The following TRIM37 variants were observed in gnomAD, a reference collection of about 807,000 sequenced individuals.
The protein encoded by TRIM37 is E3 ubiquitin-protein ligase TRIM37.
TRIM37 carries 80 observed loss-of-function variants against 129.8 expected under a neutral mutation model. The ratio of observed to expected loss-of-function variants is 0.62; its 90% CI spans 0.51 to 0.74. The LOEUF (loss-of-function observed/expected upper bound fraction) is 0.74. TRIM37 is among the 30% of genes least tolerant of loss of function. The pLI is 0.00. For missense variants in TRIM37, 1,054 were observed against 1,176.5 expected, an observed-to-expected ratio of 0.90 and a Z score of 1.52; for synonymous variants, 389 against 387.1, an observed-to-expected ratio of 1.00 and a Z score of -0.06.
chr17:59,039,246 C>CAACT (rs1488197339), intron 17 of TRIM37, among the ~76,000 whole-genome samples: 1 of 152,086 alleles, frequency 6.6e-6, no homozygotes, highest in Non-Finnish European at 1.5e-5. Context: ...TGTACTTGGC[C>CAACT]AACTTATTCA....
chr17:58,970,962 ATG>A, the TRIM37 span, among the ~76,000 whole-genome samples: 68 of 151,670 alleles, frequency 4.5e-4, no homozygotes, highest in Admixed American at 1.6e-3. Flanking sequence ...TCTCAAAATT[ATG>A]TGTTGTTGTT....
intron 4 of TRIM37, among the ~76,000 whole-genome samples, chr17:59,085,605 G>C (rs576713259): frequency 3.9e-5 from 6 of 152,232 alleles, no homozygotes; most frequent in African/African-American, 1.4e-4. Flanking sequence ...CTGTAAAATG[G>C]TACAGTCACT....
intron 19 of TRIM37, 32 bp from the exon 20 acceptor site, chr17:59,017,456 GGCTACTACA>G (rs1792375703): frequency 1.2e-6 from 2 of 1,613,216 alleles, no homozygotes; most frequent in African/African-American, 1.3e-5. Context: ...CCTCTGAATA[GGCTACTACA>G]GCACAAAACT....
Position 59,103,729 on chromosome 17 carries a change from C to T in TRIM37, c.123+564G>A, listed in dbSNP as rs148648311. 9.9e-3 allele frequency among the ~76,000 whole-genome samples: 1,493 copies of T among 150,846 alleles called. 25 individuals carry two copies. Among genetic ancestry groups the T allele is most frequent in the African/African-American group, 0.035 (1,419 of 40,968 alleles). On this transcript the variant is annotated intron_variant, in intron 2 of 23. Transcript: ENST00000262294. ...GTGGCGCTCTCTCGGCTCACTGCAA[C>T]CTCTGCCCTCCCGGGTTCAAACAAT...
intron 21 of TRIM37, among the ~76,000 whole-genome samples, chr17:59,014,371 T>A (rs567764622): frequency 1.3e-5 from 2 of 152,304 alleles, no homozygotes; most frequent in African/African-American, 4.8e-5. Context: ...ATAAAATAGA[T>A]AAGCAGATGG....
intron 18 of TRIM37, among the ~76,000 whole-genome samples, chr17:59,031,041 T>C (rs2145590015): frequency 1.3e-5 from 2 of 152,298 alleles, no homozygotes; most frequent in East Asian, 3.9e-4. Context: ...AGGAAGTATA[T>C]CTGGCTCTTA....
intron 2 of TRIM37, among the ~76,000 whole-genome samples, chr17:59,092,749 G>A (rs1289267912): frequency 6.6e-6 from 1 of 152,106 alleles, no homozygotes; most frequent in African/African-American, 2.4e-5. Flanking sequence ...ATGAACATGA[G>A]CTTTAACTTG....
chr17:58,989,614 G>A (rs2144063718), intron 24 of TRIM37, among the ~76,000 whole-genome samples: 1 of 152,030 alleles, frequency 6.6e-6, no homozygotes, highest in South Asian at 2.1e-4. Flanking sequence ...TAATCAGTAG[G>A]CTCTAAACTG....
rs1189324636 is a variant in TRIM37 at position 59,075,554 on chromosome 17, A to T, written c.684+93T>A. 1.7e-5 allele frequency: 14 copies of T among 803,742 alleles called. 1 individual carries two copies. The highest frequency in any genetic ancestry group is 2.7e-5 in the Non-Finnish European group (14 of 526,164). 49.8% of individuals were successfully genotyped at this position (803,742 alleles called of 1,614,324 possible). A position where few individuals can be genotyped will look rare whatever the true frequency, so the allele number is the denominator to read the frequency against. ...ACTCCAGCCTGGGCGACAGAGAGAG[A>T]CTCCATCTCAAAAAAAAAAAAAAAA... On this transcript the variant is annotated intron_variant, in intron 8 of 23. Transcript: ENST00000262294.
intron 15 of TRIM37, among the ~76,000 whole-genome samples, chr17:59,048,483 G>C (rs2040028187): frequency 6.6e-6 from 1 of 152,112 alleles, no homozygotes; most frequent in Non-Finnish European, 1.5e-5. Context: ...TCTGGATTCT[G>C]ACTGTTGTTT....
chr17:59,031,901 G>C lies in TRIM37; in HGVS notation c.1943C>G (p.Pro648Arg). 6.2e-7 allele frequency: 1 copy of C among 1,613,812 alleles called. No homozygotes were observed. The highest frequency in any genetic ancestry group is 8.5e-7 in the Non-Finnish European group (1 of 1,179,830). Residue 648 changes from proline to arginine, a missense_variant, in exon 18 of 24, where the codon CCC becomes CGC. By Grantham distance (103) the Pro-to-Arg change is moderately radical (BLOSUM62 -2). This residue lies in a region of TRIM37 where 752 missense variants were observed against 870.8 expected (regional missense o/e 0.86). Transcript: ENST00000262294. ...TATCATTGTTATTATTTTACCTGTG[G>C]GCTGCAGAAGTGAAGCAGGTGGGCG... ...QPRPPASLLQPTASYSRKDKD... is the reference protein window; with the variant it reads ...QPRPPASLLQRTASYSRKDKD...
rs998335398 is a variant in TRIM37 at position 59,012,193 on chromosome 17, C to T, written c.2695+135G>A. 8 of 562,006 alleles carry T rather than the reference C, an allele frequency of 1.4e-5. No individual in the cohort carries two copies. In the African/African-American group the frequency reaches 1.4e-4, roughly 10 times the overall value. The allele number at this position is 562,006 out of a possible 1,614,324, so 34.8% of individuals were successfully genotyped here. Reference sequence around the variant, plus strand: ...AGTAACATTTCCATTAAACCAACCACTCCCTATCCCTATCACTACCACCAG... The same window carrying T: ...AGTAACATTTCCATTAAACCAACCATTCCCTATCCCTATCACTACCACCAG... On this transcript the variant is annotated intron_variant, in intron 22 of 23. Coordinates refer to ENST00000262294, the MANE Select transcript of TRIM37 (RefSeq NM_015294.6).
At chr17:59,022,625 A>G (rs1325802033) in intron 19 of TRIM37, among the ~76,000 whole-genome samples, 1 of 152,170 alleles carries the variant, frequency 6.6e-6, no homozygotes, top group Admixed American at 6.5e-5. Flanking sequence ...ACTTCTTGTT[A>G]AGATTAAGTG....
At chr17:59,097,829 A>G (rs1256648806) in intron 2 of TRIM37, among the ~76,000 whole-genome samples, 1 of 152,246 alleles carries the variant, frequency 6.6e-6, no homozygotes, top group Non-Finnish European at 1.5e-5. Context: ...AAAGACACCC[A>G]TGTTCAAGGA....
At chr17:58,968,668 G>A in the TRIM37 span, among the ~76,000 whole-genome samples, 1 of 152,198 alleles carries the variant, frequency 6.6e-6, no homozygotes, top group Non-Finnish European at 1.5e-5. Flanking sequence ...TCAGGACTCA[G>A]TGCGAGTTCA....
chr17:59,055,890 T>C (rs1340008678), intron 13 of TRIM37, among the ~76,000 whole-genome samples: 1 of 152,088 alleles, frequency 6.6e-6, no homozygotes, highest in Admixed American at 6.6e-5. Context: ...AGTTTACCTG[T>C]ATAACAAACC....
intron 2 of TRIM37, among the ~76,000 whole-genome samples, chr17:59,096,423 G>A (rs1473084241): frequency 6.6e-6 from 1 of 151,630 alleles, no homozygotes; most frequent in Non-Finnish European, 1.5e-5. Context: ...ATGGTGGTGG[G>A]TGCCTGTAAT....
At chr17:59,007,087 C>T (rs2144722088) in intron 22 of TRIM37, among the ~76,000 whole-genome samples, 1 of 151,622 alleles carries the variant, frequency 6.6e-6, no homozygotes, top group Middle Eastern at 3.4e-3. Context: ...CATCTTACCG[C>T]CCTGAGAAGA....
chr17:59,065,629 C>T (rs542931750), intron 9 of TRIM37, among the ~76,000 whole-genome samples: 5 of 152,210 alleles, frequency 3.3e-5, no homozygotes, highest in East Asian at 3.9e-4. Flanking sequence ...GACTATCATA[C>T]GATGTTTTAA....
Sources: gnomAD v4.1 joint callset for allele counts (sites outside exome capture counted in the v4.1 genomes callset) on GRCh38, gnomAD v4.1.1 for gene constraint, gnomAD v4.1.1 regional missense constraint, MANE v1.5 for transcripts, NCBI Gene and HGNC (gene_info 2026-07-23, HGNC 2026-07-21) for gene names.